Variants in FSTL4 observed in about 807,000 individuals in gnomAD.
FSTL4 encodes follistatin like 4.
A neutral mutation model predicts 78.2 loss-of-function variants in FSTL4; 28 were observed. The observed-to-expected ratio is 0.36, with a 90% confidence interval of 0.27 to 0.49. The LOEUF (loss-of-function observed/expected upper bound fraction) is 0.49, where lower values mean the gene tolerates loss of function less well. FSTL4 is among the 20% of genes least tolerant of loss of function. The probability of loss-of-function intolerance (pLI) is 0.98; values close to 1 mark genes in which losing one functional copy is unlikely to be tolerated. For missense variants in FSTL4, 922 were observed against 1,084.9 expected (o/e 0.85, Z 2.11); for synonymous variants, 422 against 440.5 (o/e 0.96, Z 0.53).
At chr5:133,804,322 C>G in the FSTL4 span, among the ~76,000 whole-genome samples, 46,298 of 152,010 alleles carry the variant, frequency 0.3, 7,440 homozygotes, top group African/African-American at 0.39. Context: ...GGGCCTGCCA[C>G]GATACTGCAT....
At chr5:133,632,486 C>G in the FSTL4 span, among the ~76,000 whole-genome samples, 1 of 152,150 alleles carries the variant, frequency 6.6e-6, no homozygotes, top group Non-Finnish European at 1.5e-5. Flanking sequence ...TTTAGACATT[C>G]TTTCAAGGTA....
At chr5:133,335,760 AGCAT>A (rs1434507490) in intron 4 of FSTL4, among the ~76,000 whole-genome samples, 4 of 151,858 alleles carry the variant, frequency 2.6e-5, no homozygotes, top group African/African-American at 9.7e-5. Context: ...TTCTTCCTCC[AGCAT>A]GCAGTGTGAT....
At chr5:133,764,378 C>T in the FSTL4 span, among the ~76,000 whole-genome samples, 1 of 152,138 alleles carries the variant, frequency 6.6e-6, no homozygotes, top group African/African-American at 2.4e-5. Context: ...ACACAGCGGG[C>T]CCGTATGATG....
chr5:133,494,351 C>CTT (rs34418981), intron 3 of FSTL4, among the ~76,000 whole-genome samples: 20 of 141,264 alleles, frequency 1.4e-4, no homozygotes, highest in East Asian at 4.2e-4. Context: ...CTTGTGATAT[C>CTT]TTTTTTTTTT....
intron 3 of FSTL4, among the ~76,000 whole-genome samples, chr5:133,557,680 C>T (rs999350826): frequency 1.3e-5 from 2 of 152,194 alleles, no homozygotes; most frequent in Non-Finnish European, 2.9e-5. Context: ...GAGGCTGGCA[C>T]TCACCATGAA....
At chr5:133,307,787 T>TC (rs1753688618) in intron 6 of FSTL4, among the ~76,000 whole-genome samples, 1 of 150,630 alleles carries the variant, frequency 6.6e-6, no homozygotes, top group Non-Finnish European at 1.5e-5. Context: ...AATTTTCTTT[T>TC]TTTTTTTTTT....
the FSTL4 span, among the ~76,000 whole-genome samples, chr5:133,791,033 T>G: frequency 6.6e-6 from 1 of 152,128 alleles, no homozygotes; most frequent in African/African-American, 2.4e-5. Context: ...TCTGATCCCT[T>G]CTCCTACCAC....
chr5:133,451,660 G>C lies in FSTL4; in HGVS notation c.161-50674C>G, dbSNP rs543327692. On this transcript the variant is annotated intron_variant, in intron 3 of 15. Coordinates refer to ENST00000265342, the MANE Select transcript of FSTL4 (RefSeq NM_015082.2). Reference sequence around the variant, plus strand: ...TGGAGCAGAGCCACCACCTCTGTCTGTACTTGGGCTAAGCCAGGGTCCGTG... The same window carrying C: ...TGGAGCAGAGCCACCACCTCTGTCTCTACTTGGGCTAAGCCAGGGTCCGTG... Among the ~76,000 whole-genome samples the C allele has an allele frequency of 3.6e-3, 555 of 152,320 alleles. 1 individual carries two copies. Among genetic ancestry groups the C allele is most frequent in the Non-Finnish European group, 5.4e-3 (369 of 68,032 alleles).
intron 3 of FSTL4, among the ~76,000 whole-genome samples, chr5:133,489,978 A>G (rs934715536): frequency 1.3e-5 from 2 of 152,200 alleles, no homozygotes; most frequent in African/African-American, 4.8e-5. Context: ...ACCTGTTTCT[A>G]TGCTAACCTT....
At chr5:133,317,266 C>G (rs1753931451) in intron 4 of FSTL4, among the ~76,000 whole-genome samples, 1 of 152,234 alleles carries the variant, frequency 6.6e-6, no homozygotes, top group African/African-American at 2.4e-5. Flanking sequence ...GGCGCGCTTG[C>G]TGAACAGCAT....
chr5:133,714,706 C>G, the FSTL4 span, among the ~76,000 whole-genome samples: 1 of 152,208 alleles, frequency 6.6e-6, no homozygotes, highest in Non-Finnish European at 1.5e-5. Flanking sequence ...CCATATGCCT[C>G]CCCTGCTCTG....
the FSTL4 span, among the ~76,000 whole-genome samples, chr5:133,641,077 T>C: frequency 2.6e-5 from 4 of 152,122 alleles, no homozygotes; most frequent in African/African-American, 7.2e-5. Context: ...CATCTTCAAA[T>C]AGCACCTCCT....
intron 3 of FSTL4, among the ~76,000 whole-genome samples, chr5:133,405,832 A>T (rs1311608384): frequency 2.6e-5 from 4 of 152,210 alleles, no homozygotes; most frequent in Non-Finnish European, 5.9e-5. Flanking sequence ...GTCCCGTGCC[A>T]TGTCTACCCT....
intron 4 of FSTL4, among the ~76,000 whole-genome samples, chr5:133,363,590 T>C (rs541912276): frequency 5.3e-5 from 8 of 152,308 alleles, no homozygotes; most frequent in African/African-American, 1.9e-4. Context: ...TTCATTTCAC[T>C]TTCCTTGCTC....
At chr5:133,544,598 T>C (rs1451472857) in intron 3 of FSTL4, among the ~76,000 whole-genome samples, 3 of 152,172 alleles carry the variant, frequency 2.0e-5, no homozygotes, top group African/African-American at 4.8e-5. Context: ...TAGTTTTTAA[T>C]GGGTTCACGG....
chr5:133,274,704 C>A (rs1752841292), intron 6 of FSTL4, among the ~76,000 whole-genome samples: 1 of 152,176 alleles, frequency 6.6e-6, no homozygotes, highest in Non-Finnish European at 1.5e-5. Flanking sequence ...AAAGCACACA[C>A]TCAACTCCAA....
At chr5:133,538,268 T>C (rs567551295) in intron 3 of FSTL4, among the ~76,000 whole-genome samples, 9 of 152,302 alleles carry the variant, frequency 5.9e-5, no homozygotes, top group South Asian at 4.1e-4. Flanking sequence ...AGTTATTTTG[T>C]AGAATGTCCC....
the FSTL4 span, among the ~76,000 whole-genome samples, chr5:133,766,788 A>G: frequency 6.6e-6 from 1 of 152,344 alleles, no homozygotes. Flanking sequence ...TACCGATGAG[A>G]CAGACATCAA....
At chr5:133,479,129 T>G (rs958419800) in intron 3 of FSTL4, among the ~76,000 whole-genome samples, 1 of 152,226 alleles carries the variant, frequency 6.6e-6, no homozygotes, top group Non-Finnish European at 1.5e-5. Flanking sequence ...TTTGATTTCC[T>G]TCCCAGCACT....
Sources: allele counts gnomAD v4.1 joint callset (sites outside exome capture counted in the v4.1 genomes callset), GRCh38; gene constraint gnomAD v4.1.1; transcripts MANE v1.5; gene names NCBI Gene and HGNC (gene_info 2026-07-23, HGNC 2026-07-21).